Variants in PTPRS observed in about 807,000 individuals in gnomAD.
The protein encoded by PTPRS is receptor-type tyrosine-protein phosphatase S.
In PTPRS, 63 loss-of-function variants were observed where a neutral mutation model predicts 215.3. The ratio of observed to expected loss-of-function variants is 0.29; its 90% CI spans 0.24 to 0.36. PTPRS has a LOEUF of 0.36. Ranked by LOEUF, PTPRS falls within the 10% of genes least tolerant of loss-of-function variation. The pLI, the probability that PTPRS is intolerant of heterozygous loss-of-function variation, is 1.00. For missense variants in PTPRS, 2,258 were observed against 2,825.8 expected (o/e 0.80, Z 4.56); for synonymous variants, 1,404 against 1,191.4 (o/e 1.18, Z -3.68).
intron 1 of PTPRS, among the ~76,000 whole-genome samples, chr19:5,326,611 A>G (rs1686211150): frequency 1.3e-5 from 2 of 151,068 alleles, no homozygotes; most frequent in South Asian, 4.2e-4. Context: ...GCCTGAGCCC[A>G]GGAGCTTGGG....
At position 5,326,789 on chromosome 19, in the gene PTPRS, AGGAGGGAG is replaced by A. The variant is rs10530954; in HGVS notation, c.-95+13867_-95+13874del. On this transcript the variant is annotated intron_variant, in intron 1 of 37. Coordinates refer to ENST00000262963, the MANE Select transcript of PTPRS (RefSeq NM_002850.4). ...AGAAAGAAGGGAAGAGAAGGAAGGA[AGGAGGGAG>A]GGAGGGAGGGAGGATAGAAGTAAAG... Among the ~76,000 whole-genome samples, 90 of 145,416 alleles carry A rather than the reference AGGAGGGAG, an allele frequency of 6.2e-4. 1 individual carries two copies. The highest frequency in any genetic ancestry group is 1.8e-3 in the East Asian group (8 of 4,522).
intron 4 of PTPRS, among the ~76,000 whole-genome samples, chr19:5,266,221 T>C (rs1310391832): frequency 2.0e-5 from 3 of 151,926 alleles, no homozygotes; most frequent in Non-Finnish European, 4.4e-5. Context: ...ATCACGCCAC[T>C]GCACTCTAGC....
intron 13 of PTPRS, among the ~76,000 whole-genome samples, chr19:5,235,034 G>A (rs543682964): frequency 6.6e-5 from 10 of 151,116 alleles, no homozygotes; most frequent in Middle Eastern, 3.4e-3. Flanking sequence ...TCTGCTGCTC[G>A]GGTTCACGCC....
intron 1 of PTPRS, among the ~76,000 whole-genome samples, chr19:5,306,624 T>C (rs1218215450): frequency 1.3e-5 from 2 of 152,276 alleles, no homozygotes; most frequent in African/African-American, 2.4e-5. Context: ...ACACTTCGGT[T>C]GCCTCCATTT....
Position 5,324,596 on chromosome 19 carries a change from C to T in PTPRS, c.-95+16068G>A, listed in dbSNP as rs889125560. ...CCATGGGTTAAAGGGGGGAGGCCCCCAGGTGTGTCAGGATGCAGCCCTGCC... is the reference window on the plus strand; with the variant it reads ...CCATGGGTTAAAGGGGGGAGGCCCCTAGGTGTGTCAGGATGCAGCCCTGCC... On this transcript the variant is annotated intron_variant, in intron 1 of 37. Transcript: ENST00000262963. Among the ~76,000 whole-genome samples, 33 of 152,332 alleles carry T rather than the reference C, an allele frequency of 2.2e-4. 1 individual carries two copies. The highest frequency in any genetic ancestry group is 7.2e-4 in the African/African-American group (30 of 41,584).
At chr19:5,256,368 C>T (rs1249387024) in intron 8 of PTPRS, among the ~76,000 whole-genome samples, 2 of 151,982 alleles carry the variant, frequency 1.3e-5, no homozygotes, top group East Asian at 1.9e-4. Flanking sequence ...TTTCTCCATT[C>T]TTTTCTAAGC....
chr19:5,283,969 C>T (rs1031741403), intron 2 of PTPRS, among the ~76,000 whole-genome samples: 4 of 152,042 alleles, frequency 2.6e-5, no homozygotes, highest in African/African-American at 4.8e-5. Context: ...AATCCCAGTA[C>T]TTTGGGAGGC....
chr19:5,312,220 G>T (rs1381540250), intron 1 of PTPRS, among the ~76,000 whole-genome samples: 1 of 152,086 alleles, frequency 6.6e-6, no homozygotes, highest in Non-Finnish European at 1.5e-5. Context: ...CCCTGAAAAA[G>T]AATGCATAGT....
chr19:5,218,909 G>A, intron 23 of PTPRS, 111 bp from the exon 24 acceptor site: 1 of 1,153,508 alleles, frequency 8.7e-7, no homozygotes. Context: ...CTTAACCTCT[G>A]TGAGCTTTGG....
chr19:5,290,461 C>T (rs929336935), intron 1 of PTPRS, among the ~76,000 whole-genome samples: 2 of 152,220 alleles, frequency 1.3e-5, no homozygotes, highest in East Asian at 1.9e-4. Context: ...TCCAACCAGG[C>T]GCCGGGGCAT....
chr19:5,302,066 G>C (rs896056909), intron 1 of PTPRS, among the ~76,000 whole-genome samples: 4 of 150,618 alleles, frequency 2.7e-5, no homozygotes, highest in African/African-American at 9.9e-5. Flanking sequence ...ACAGGTGTGA[G>C]CCACCACACT....
chr19:5,323,594 G>A (rs2050090522), intron 1 of PTPRS, among the ~76,000 whole-genome samples: 1 of 152,262 alleles, frequency 6.6e-6, no homozygotes, highest in South Asian at 2.1e-4. Context: ...CCTGGGGCGG[G>A]ACCATGCCTG....
intron 13 of PTPRS, among the ~76,000 whole-genome samples, chr19:5,236,296 C>T (rs1369028237): frequency 6.6e-6 from 1 of 152,198 alleles, no homozygotes; most frequent in Admixed American, 6.5e-5. Context: ...AACTGAGGCT[C>T]AGAAACAGCA....
Position 5,244,745 on chromosome 19 carries a change from C to T in PTPRS, c.989-263G>A, listed in dbSNP as rs1320765335. ...CCCACAGTGGCACGATCTCGGCTCA[C>T]TGCAAGCTCCGTCTCCCGGGTTCAC... On this transcript the variant is annotated intron_variant, in intron 10 of 37. Transcript: ENST00000262963. This position sits in a 1 kb window ranked among gnomAD's most constrained non-coding sequence, Gnocchi z 7.2. Among the ~76,000 whole-genome samples the T allele has an allele frequency of 6.6e-6, 1 of 152,198 alleles. No homozygotes were observed. The highest frequency in any genetic ancestry group is 2.4e-5 in the African/African-American group (1 of 41,452).
At chr19:5,273,642 TCTAGGCTGGG>T in intron 3 of PTPRS, 59 bp from the exon 4 acceptor site, 5 of 1,601,742 alleles carry the variant, frequency 3.1e-6, no homozygotes, top group South Asian at 2.2e-5. Context: ...AAGGTTCCTG[TCTAGGCTGGG>T]CTAGGCTGGG....
At chr19:5,298,563 C>T (rs935411729) in intron 1 of PTPRS, among the ~76,000 whole-genome samples, 1 of 152,240 alleles carries the variant, frequency 6.6e-6, no homozygotes, top group African/African-American at 2.4e-5. Flanking sequence ...CCAAGGCTCC[C>T]GCCTCCTACC....
At chr19:5,215,229 G>A in intron 28 of PTPRS, 60 bp downstream of exon 28, 3 of 1,600,862 alleles carry the variant, frequency 1.9e-6, no homozygotes, top group South Asian at 1.1e-5. Flanking sequence ...GGAGACATGG[G>A]ATCTAGCACT....
intron 13 of PTPRS, among the ~76,000 whole-genome samples, chr19:5,236,825 G>A (rs1378895436): frequency 6.0e-5 from 9 of 149,514 alleles, no homozygotes; most frequent in South Asian, 4.3e-4. Flanking sequence ...CGGGGGGTGC[G>A]GGGAATCAGG....
chr19:5,321,865 C>A (rs1342819008), intron 1 of PTPRS, among the ~76,000 whole-genome samples: 1 of 152,034 alleles, frequency 6.6e-6, no homozygotes. Flanking sequence ...AGAAATAGAA[C>A]CATTTATCCA....
Sources: gnomAD v4.1 joint callset for allele counts (sites outside exome capture counted in the v4.1 genomes callset) on GRCh38, gnomAD v4.1.1 for gene constraint, Gnocchi (gnomAD v3.1) non-coding constraint, MANE v1.5 for transcripts, NCBI Gene and HGNC (gene_info 2026-07-23, HGNC 2026-07-21) for gene names.